Variants in ZNF862 observed in about 807,000 individuals in gnomAD.
The protein encoded by ZNF862 is zinc finger protein 862.
A neutral mutation model predicts 91.1 loss-of-function variants in ZNF862; 64 were observed. The observed-to-expected ratio is 0.70, with a 90% confidence interval of 0.57 to 0.87. ZNF862 has a LOEUF of 0.87. ZNF862 is among the 40% of genes least tolerant of loss of function. ZNF862 has a pLI of 0.00. For missense variants in ZNF862, 1,459 were observed against 1,528.0 expected (o/e 0.95, Z 0.75); for synonymous variants, 631 against 618.1 (o/e 1.02, Z -0.31).
In ZNF862 at chr7:149,847,664, G is replaced by A. The variant is rs1801917392; in HGVS notation, c.242-71G>A. ...CGTCTTTCATATTTGGTGTACCTCA[G>A]AGCCCCTGTGAGTTGCAGTGGCTCT... On this transcript the variant is annotated intron_variant, in intron 3 of 7. Transcript: ENST00000223210. 2.9e-6 allele frequency: 3 copies of A among 1,047,936 alleles called. No homozygotes were observed. The South Asian group carries it at 4.9e-5, about 17-fold the overall frequency. 64.9% of individuals were successfully genotyped at this position (1,047,936 alleles called of 1,614,324 possible). A position where few individuals can be genotyped will look rare whatever the true frequency, so the allele number is the denominator to read the frequency against.
intron 5 of ZNF862, chr7:149,858,612 T>C (rs1424395121): frequency 1.3e-5 from 2 of 152,236 alleles, no homozygotes; most frequent in African/African-American, 4.8e-5. Context: ...CACATTCACA[T>C]AGACACACAC....
Position 149,861,973 on chromosome 7 carries a change from C to T in ZNF862, c.2813C>T (p.Ala938Val). The T allele has an allele frequency of 6.2e-7, 1 of 1,613,792 alleles. No homozygotes were observed. Among genetic ancestry groups the T allele is most frequent in the Non-Finnish European group, 8.5e-7 (1 of 1,179,888 alleles). ...GIEYLQQRFD[A>V]DRPPQLKNME... ...GAGTACCTCCAGCAGAGGTTTGACG[C>T]AGACCGACCCCCACAGCTGAAGAAC... Residue 938 changes from alanine (A) to valine (V), a missense_variant, in exon 7 of 8, where the codon GCA becomes GTA. By Grantham distance (64) the Ala-to-Val change is moderately conservative. Coordinates refer to ENST00000223210, the MANE Select transcript of ZNF862 (RefSeq NM_001099220.3). This position sits in a 1 kb window ranked among gnomAD's most constrained non-coding sequence, Gnocchi z 6.7.
chr7:149,846,130 C>CT (rs34196240), intron 2 of ZNF862, 21 bp from the exon 3 acceptor site: 198,682 of 1,292,808 alleles, frequency 0.15, 2,570 homozygotes, highest in African/African-American at 0.25. Flanking sequence ...CTCTCGCTCT[C>CT]TTTTTTTTTT....
At chr7:149,843,807 A>G (rs10261203) in intron 1 of ZNF862, among the ~76,000 whole-genome samples, 59,100 of 152,040 alleles carry the variant, frequency 0.39, 11,635 homozygotes, top group Admixed American at 0.44. Flanking sequence ...CCGCCCTCCC[A>G]TGCTGGAGGT....
Position 149,844,677 on chromosome 7 carries a change from T to C in ZNF862, c.77T>C (p.Val26Ala). The C allele has an allele frequency of 1.2e-6, 2 of 1,605,974 alleles. No individual in the cohort carries two copies. Among genetic ancestry groups the C allele is most frequent in the African/African-American group, 1.3e-5 (1 of 74,920 alleles). The change falls in exon 2 of 8, where the codon GTG becomes GCG. Residue 26 changes from valine (V) to alanine (A), a missense_variant. Val to Ala is a moderately conservative substitution (Grantham distance 64). Coordinates refer to ENST00000223210, the MANE Select transcript of ZNF862 (RefSeq NM_001099220.3). ...GTGTACTTACTCCAGGAGGAATGGG[T>C]GCTGCTGAGCCAGCAACAGAAGGAG... ...ITVYLLQEEW[V>A]LLSQQQKELC...
intron 7 of ZNF862, 145 bp downstream of exon 7, chr7:149,862,639 C>G (rs1802561005): frequency 1.1e-6 from 1 of 914,606 alleles, no homozygotes; most frequent in Non-Finnish European, 1.6e-6. Context: ...GACATCCACC[C>G]TCCAGGAGCT....
At chr7:149,841,897 A>G (rs1324783425) in intron 1 of ZNF862, among the ~76,000 whole-genome samples, 1 of 152,230 alleles carries the variant, frequency 6.6e-6, no homozygotes, top group Non-Finnish European at 1.5e-5. Context: ...TCAAGCACAT[A>G]GAAACACTTA....
chr7:149,838,514 C>T lies in ZNF862; in HGVS notation c.-98C>T, dbSNP rs1801595411. 3.5e-6 allele frequency: 3 copies of T among 845,562 alleles called. No individual in the cohort carries two copies. Among genetic ancestry groups the T allele is most frequent in the South Asian group, 6.1e-5 (1 of 16,456 alleles). The allele number at this position is 845,562 out of a possible 1,614,324, so 52.4% of individuals were successfully genotyped here. A position where few individuals can be genotyped will look rare whatever the true frequency, so the allele number is the denominator to read the frequency against. ...CTCCCTCCCTACCTGGGTGCCCTCC[C>T]CCTCCGGGAGCCTGGGTCCCCGGGG... On this transcript the variant is annotated 5_prime_UTR_variant, in exon 1 of 8. Coordinates refer to ENST00000223210, the MANE Select transcript of ZNF862 (RefSeq NM_001099220.3).
Position 149,864,326 on chromosome 7 carries a change from G to T in ZNF862, c.*42G>T, listed in dbSNP as rs371127309. 11 of 1,545,928 alleles carry T rather than the reference G, an allele frequency of 7.1e-6. No individual in the cohort carries two copies. The highest frequency in any genetic ancestry group is 9.6e-6 in the Non-Finnish European group (11 of 1,144,748). On this transcript the variant is annotated 3_prime_UTR_variant, in exon 8 of 8. Coordinates refer to ENST00000223210, the MANE Select transcript of ZNF862 (RefSeq NM_001099220.3). Reference sequence around the variant, plus strand: ...GGGACTGCCTTGGAGACGCCTCTGTGATCACTGGGACAGGCTCTGCAGATT... The same window carrying T: ...GGGACTGCCTTGGAGACGCCTCTGTTATCACTGGGACAGGCTCTGCAGATT...
At position 149,862,329 on chromosome 7, in the gene ZNF862, C is replaced by T; in HGVS notation, c.3169C>T (p.Leu1057Phe). The change falls in exon 7 of 8, where the codon CTC (leucine) becomes TTC (phenylalanine). Residue 1057 changes from leucine to phenylalanine, a missense_variant. Physicochemically the swap from Leu to Phe is conservative, Grantham distance 22. Coordinates refer to ENST00000223210, the MANE Select transcript of ZNF862 (RefSeq NM_001099220.3). ...AATCAGGACCGATGAGAGGACCAAGCTCTCCAACGAGGTGCTCAACATGCT... is the reference window on the plus strand; with the variant it reads ...AATCAGGACCGATGAGAGGACCAAGTTCTCCAACGAGGTGCTCAACATGCT... ...NRIRTDERTK[L>F]SNEVLNMLMM... 7 of 1,613,432 alleles carry T rather than the reference C, an allele frequency of 4.3e-6. No homozygotes were observed. Among genetic ancestry groups the T allele is most frequent in the Non-Finnish European group, 5.9e-6 (7 of 1,179,706 alleles).
At chr7:149,860,098 T>C in intron 6 of ZNF862, 1 of 451,116 alleles carries the variant, frequency 2.2e-6, no homozygotes, top group Non-Finnish European at 3.9e-6. Context: ...AACTTATTGG[T>C]ATCTGGTGTC....
Position 149,848,074 on chromosome 7 carries a change from C to T in ZNF862, c.581C>T (p.Ala194Val), listed in dbSNP as rs1485791887. The change falls in exon 4 of 8, where the codon GCG becomes GTG. Residue 194 changes from alanine to valine, a missense_variant. By Grantham distance (64) the Ala-to-Val change is moderately conservative. Coordinates refer to ENST00000223210, the MANE Select transcript of ZNF862 (RefSeq NM_001099220.3). ...PFKVETLKYH[A>V]KSKAHMFCVN... ...AAGGTGGAGACTCTCAAATACCACG[C>T]GAAGAGCAAGGCCCACATGTTCTGT... is the stretch of plus-strand genomic sequence containing the variant. 1.3e-5 allele frequency: 21 copies of T among 1,614,052 alleles called. No individual in the cohort carries two copies. The highest frequency in any genetic ancestry group is 2.2e-5 in the East Asian group (1 of 44,892).
rs772463097 is a variant in ZNF862, at chr7:149,846,255, G to A, written c.241G>A (p.Gly81Arg). Reference protein sequence around the residue: ...GQRSLLEHHPGKKQMGYMGEM... With the variant: ...GQRSLLEHHPRKKQMGYMGEM... ...GAGGAGCCTTCTGGAGCATCACCCA[G>A]GTGAGTGTGGAACTGCACTCAGGGG... The change falls in exon 3 of 8, where the codon GGA (glycine) becomes AGA (arginine). Residue 81 changes from glycine to arginine, a missense_variant and splice_region_variant. By Grantham distance (125) the Gly-to-Arg change is moderately radical. Coordinates refer to ENST00000223210, the MANE Select transcript of ZNF862 (RefSeq NM_001099220.3). 7 of 1,612,260 alleles carry A rather than the reference G, an allele frequency of 4.3e-6. No individual in the cohort carries two copies. The highest frequency in any genetic ancestry group is 1.3e-5 in the African/African-American group (1 of 75,024).
At chr7:149,848,980 C>T (rs529362508) in intron 4 of ZNF862, among the ~76,000 whole-genome samples, 5 of 151,942 alleles carry the variant, frequency 3.3e-5, no homozygotes, top group African/African-American at 7.3e-5. Context: ...TTTTATTTTT[C>T]GTAGAGATGG....
intron 4 of ZNF862, 107 bp downstream of exon 4, chr7:149,848,539 T>G: frequency 2.2e-6 from 2 of 913,730 alleles, no homozygotes; most frequent in Non-Finnish European, 1.6e-6. Flanking sequence ...GATAACCCAC[T>G]GCTAACATCA....
At position 149,864,366 on chromosome 7, in the gene ZNF862, G is replaced by A. The variant is rs1802640020; in HGVS notation, c.*82G>A. The A allele has an allele frequency of 2.2e-6, 3 of 1,394,628 alleles. No individual in the cohort carries two copies. The African/African-American group carries it at 4.3e-5, about 20-fold the overall frequency. 86.4% of individuals were successfully genotyped at this position (1,394,628 alleles called of 1,614,324 possible). A position where few individuals can be genotyped will look rare whatever the true frequency, so the allele number is the denominator to read the frequency against. On this transcript the variant is annotated 3_prime_UTR_variant, in exon 8 of 8. Coordinates refer to ENST00000223210, the MANE Select transcript of ZNF862 (RefSeq NM_001099220.3). Reference sequence around the variant, plus strand: ...CTCTGCAGATTCTAGGCTGCCCTAGGATCTTCTGCTGGTGGCGATGGTCTC... The same window carrying A: ...CTCTGCAGATTCTAGGCTGCCCTAGAATCTTCTGCTGGTGGCGATGGTCTC...
At position 149,864,326 on chromosome 7, in the gene ZNF862, G is replaced by A. The variant is rs371127309; in HGVS notation, c.*42G>A. ...GGGACTGCCTTGGAGACGCCTCTGT[G>A]ATCACTGGGACAGGCTCTGCAGATT... On this transcript the variant is annotated 3_prime_UTR_variant, in exon 8 of 8. Transcript: ENST00000223210. 6.5e-7 allele frequency: 1 copy of A among 1,545,928 alleles called. No individual in the cohort carries two copies. The highest frequency in any genetic ancestry group is 2.0e-5 in the Admixed American group (1 of 51,098).
At chr7:149,843,264 A>G (rs1801765408) in intron 1 of ZNF862, among the ~76,000 whole-genome samples, 1 of 152,158 alleles carries the variant, frequency 6.6e-6, no homozygotes, top group South Asian at 2.1e-4. Context: ...TCGATATTCC[A>G]CCTATTTTAA....
In ZNF862 at chr7:149,850,876, T is replaced by C. The variant is rs116701435; in HGVS notation, c.1117+538T>C. ...GGACGGCCTGGCAGAGCCACCCCTA[T>C]CTGTGCAGCCCAGGGCTAAGGCTCC... On this transcript the variant is annotated intron_variant, in intron 5 of 7. Coordinates refer to ENST00000223210, the MANE Select transcript of ZNF862 (RefSeq NM_001099220.3). The surrounding 1 kb of genome is among the most constrained non-coding windows in gnomAD (Gnocchi z 4.2). 4.2e-3 allele frequency: 666 copies of C among 157,238 alleles called. 7 individuals are homozygous for C. Among genetic ancestry groups the C allele is most frequent in the African/African-American group, 0.015 (638 of 41,576 alleles). 9.7% of individuals were successfully genotyped at this position (157,238 alleles called of 1,614,324 possible). A position where few individuals can be genotyped will look rare whatever the true frequency, so the allele number is the denominator to read the frequency against.
Sources: allele counts gnomAD v4.1 joint callset (sites outside exome capture counted in the v4.1 genomes callset), GRCh38; gene constraint gnomAD v4.1.1; non-coding constraint Gnocchi (gnomAD v3.1); transcripts MANE v1.5; gene names NCBI Gene and HGNC (gene_info 2026-07-23, HGNC 2026-07-21).